The following TTC39C variants were observed in gnomAD, a reference collection of about 807,000 sequenced individuals.
The protein encoded by TTC39C is tetratricopeptide repeat domain 39C, also known as tetratricopeptide repeat protein 39C.
In TTC39C, 33 loss-of-function variants were observed where a neutral mutation model predicts 76.3. The observed-to-expected ratio is 0.43, with a 90% CI of 0.33 to 0.58. TTC39C has a LOEUF of 0.58. Ranked by LOEUF, TTC39C falls within the 20% of genes least tolerant of loss-of-function variation. The probability of loss-of-function intolerance (pLI) is 0.04; values close to 1 mark genes in which losing one functional copy is unlikely to be tolerated. For synonymous variants in TTC39C, 254 were observed against 260.6 expected (o/e 0.97, Z 0.24); for missense variants, 595 against 701.4 (o/e 0.85, Z 1.71).
chr18:24,111,606 T>C (rs910903600), intron 6 of TTC39C, among the ~76,000 whole-genome samples: 3 of 151,540 alleles, frequency 2.0e-5, no homozygotes, highest in African/African-American at 7.3e-5. Flanking sequence ...TTAAATTTTT[T>C]TGGTGAGACT....
intron 1 of TTC39C, among the ~76,000 whole-genome samples, chr18:24,015,894 TGAG>T (rs2083449454): frequency 6.6e-6 from 1 of 152,190 alleles, no homozygotes; most frequent in Non-Finnish European, 1.5e-5. Flanking sequence ...GTTCTCGGGT[TGAG>T]GAAGCAAGTT....
chr18:24,061,665 A>G (rs1227321755), intron 1 of TTC39C, among the ~76,000 whole-genome samples: 3 of 144,270 alleles, frequency 2.1e-5, no homozygotes, highest in Non-Finnish European at 4.5e-5. Context: ...GCACTTTGGG[A>G]GGCCAAGGAG....
At chr18:24,106,342 A>G (rs1284514744) in intron 6 of TTC39C, among the ~76,000 whole-genome samples, 1 of 151,890 alleles carries the variant, frequency 6.6e-6, no homozygotes, top group Non-Finnish European at 1.5e-5. Flanking sequence ...AAAGATTCTC[A>G]CACCAAATTA....
intron 1 of TTC39C, among the ~76,000 whole-genome samples, chr18:24,060,814 G>A (rs559921974): frequency 1.4e-4 from 22 of 152,238 alleles, no homozygotes; most frequent in Non-Finnish European, 1.9e-4. Flanking sequence ...TGTCCAATAA[G>A]AATATGATTA....
intron 1 of TTC39C, chr18:24,020,263 C>A: frequency 2.0e-6 from 2 of 1,014,388 alleles, no homozygotes; most frequent in Non-Finnish European, 2.4e-6. Flanking sequence ...TGAAAAGGTC[C>A]TAATTAAATA....
chr18:24,075,082 T>C (rs1028854720), intron 4 of TTC39C, among the ~76,000 whole-genome samples: 7 of 151,450 alleles, frequency 4.6e-5, no homozygotes, highest in Non-Finnish European at 5.9e-5. Context: ...TTCTCACTTA[T>C]AGGTTAGAAT....
chr18:24,050,288 G>A lies in TTC39C; in HGVS notation c.168-13852G>A, dbSNP rs76168407. On this transcript the variant is annotated intron_variant, in intron 1 of 13. Transcript: ENST00000317571. Reference sequence around the variant, plus strand: ...AGAGAGAGGCTAAAAAGTGAAATGTGGCCTGGTGCAGTGGCTCATGCCTGT... The same window carrying A: ...AGAGAGAGGCTAAAAAGTGAAATGTAGCCTGGTGCAGTGGCTCATGCCTGT... Among the ~76,000 whole-genome samples the A allele has an allele frequency of 2.7e-3, 404 of 152,204 alleles. 1 individual carries two copies. Among genetic ancestry groups the A allele is most frequent in the African/African-American group, 9.3e-3 (387 of 41,560 alleles).
chr18:24,107,056 C>A (rs1356379123), intron 6 of TTC39C, among the ~76,000 whole-genome samples: 2 of 152,142 alleles, frequency 1.3e-5, no homozygotes, highest in Non-Finnish European at 2.9e-5. Flanking sequence ...CGTTTCTATT[C>A]TTTTCGCAAC....
chr18:24,011,382 G>A (rs915674399), upstream of TTC39C, among the ~76,000 whole-genome samples: 2 of 152,192 alleles, frequency 1.3e-5, no homozygotes, highest in Non-Finnish European at 2.9e-5. Context: ...ATGCCTTCCC[G>A]CTGGATGTAG....
At chr18:23,995,762 C>T (rs1404754433) in intron 1 of TTC39C, among the ~76,000 whole-genome samples, 1 of 151,950 alleles carries the variant, frequency 6.6e-6, no homozygotes, top group Non-Finnish European at 1.5e-5. Flanking sequence ...CCCAGCTACT[C>T]AGGAGGCTGA....
rs1168516152 is a variant in TTC39C, at chr18:24,123,830, A to T, written c.1187-4A>T. 1 of 1,601,348 alleles carries T rather than the reference A, an allele frequency of 6.2e-7. No homozygotes were observed. The highest frequency in any genetic ancestry group is 1.4e-5 in the African/African-American group (1 of 73,440). ...TTAAGAAATATAATTATGGTTTCTT[A>T]CAGTTTGTCAGGGAGCCACTGGTGA... On this transcript the variant is annotated splice_region_variant and splice_polypyrimidine_tract_variant and intron_variant, in intron 8 of 13. Transcript: ENST00000317571.
intron 1 of TTC39C, chr18:24,020,337 A>G (rs1433728676): frequency 2.0e-6 from 2 of 986,020 alleles, no homozygotes; most frequent in South Asian, 4.7e-5. Flanking sequence ...GAATAATAGG[A>G]GAGTTTGGAG....
intron 1 of TTC39C, among the ~76,000 whole-genome samples, chr18:24,024,479 G>A (rs1457109160): frequency 6.6e-6 from 1 of 152,112 alleles, no homozygotes; most frequent in East Asian, 1.9e-4. Context: ...AATGAAGGAA[G>A]TAACAGACTA....
At chr18:24,094,562 A>G (rs2084565577) in intron 6 of TTC39C, among the ~76,000 whole-genome samples, 1 of 152,092 alleles carries the variant, frequency 6.6e-6, no homozygotes, top group Non-Finnish European at 1.5e-5. Flanking sequence ...AGTCAAAACT[A>G]CTCCTTGTTC....
intron 6 of TTC39C, among the ~76,000 whole-genome samples, chr18:24,092,750 A>T (rs1425685642): frequency 6.6e-6 from 1 of 152,206 alleles, no homozygotes; most frequent in Admixed American, 6.5e-5. Flanking sequence ...GTGTGGAGTG[A>T]CTGCTAATGG....
In TTC39C at chr18:24,133,880, A is replaced by G. The variant is rs2085164807; in HGVS notation, c.*1306A>G. The G allele has an allele frequency of 6.7e-6, 1 of 150,336 alleles. No homozygotes were observed. The highest frequency in any genetic ancestry group is 2.1e-4 in the South Asian group (1 of 4,778). The allele number at this position is 150,336 out of a possible 1,614,324, so 9.3% of individuals were successfully genotyped here. ...ATTTTAGGGTATCGTTTATTTACAA[A>G]TTCTTTTGGCTGAAACATGATCTCA... On this transcript the variant is annotated 3_prime_UTR_variant, in exon 14 of 14. Coordinates refer to ENST00000317571, the MANE Select transcript of TTC39C (RefSeq NM_001135993.2).
At chr18:24,079,876 A>T (rs1354409814) in intron 4 of TTC39C, among the ~76,000 whole-genome samples, 1 of 148,456 alleles carries the variant, frequency 6.7e-6, no homozygotes, top group South Asian at 2.1e-4. Context: ...GTTGTGGCTC[A>T]CTGCAGCCTT....
chr18:24,018,843 G>GTTGCT (rs2083486531), intron 1 of TTC39C, among the ~76,000 whole-genome samples: 1 of 152,160 alleles, frequency 6.6e-6, no homozygotes, highest in South Asian at 2.1e-4. Context: ...GCTCACAAGT[G>GTTGCT]TTGCTAGGCC....
At chr18:23,999,448 T>C (rs1195798682) in intron 1 of TTC39C, among the ~76,000 whole-genome samples, 4 of 152,188 alleles carry the variant, frequency 2.6e-5, no homozygotes, top group South Asian at 2.1e-4. Context: ...GGAGCTTATC[T>C]CCTGACTCTC....
Sources: allele counts gnomAD v4.1 joint callset (sites outside exome capture counted in the v4.1 genomes callset), GRCh38; gene constraint gnomAD v4.1.1; transcripts MANE v1.5; gene names NCBI Gene and HGNC (gene_info 2026-07-23, HGNC 2026-07-21).